The following AUTS2 variants were observed in gnomAD, a reference collection of about 807,000 sequenced individuals.
AUTS2 encodes activator of transcription and developmental regulator AUTS2.
Under a neutral mutation model 112.4 loss-of-function variants are expected in AUTS2, and 17 were observed. The ratio of observed to expected loss-of-function variants is 0.15; its 90% CI spans 0.10 to 0.23. The LOEUF is 0.23. Among genes scored for constraint, AUTS2 ranks in the 10% least tolerant of loss-of-function variants. The pLI, the probability that AUTS2 is intolerant of heterozygous loss-of-function variation, is 1.00. For synonymous variants in AUTS2, 751 were observed against 702.7 expected (o/e 1.07, Z -1.09); for missense variants, 1,510 against 1,701.6 (o/e 0.89, Z 1.98).
At chr7:69,875,147 GCT>G (rs760648022) in intron 1 of AUTS2, among the ~76,000 whole-genome samples, 5 of 150,086 alleles carry the variant, frequency 3.3e-5, no homozygotes, top group Non-Finnish European at 4.4e-5. Flanking sequence ...TGAGCTTTTT[GCT>G]CTCTTTTAAA....
At chr7:69,901,389 A>G (rs556932725) in intron 2 of AUTS2, among the ~76,000 whole-genome samples, 1 of 152,116 alleles carries the variant, frequency 6.6e-6, no homozygotes, top group Admixed American at 6.5e-5. Context: ...ACGTGATCTG[A>G]CTTTTCTATT....
intron 2 of AUTS2, among the ~76,000 whole-genome samples, chr7:69,973,338 G>A (rs1305721250): frequency 6.6e-6 from 1 of 152,130 alleles, no homozygotes; most frequent in Non-Finnish European, 1.5e-5. Flanking sequence ...GTAGTTCTTT[G>A]AAATTTTCTG....
chr7:70,121,638 C>G (rs922483920), intron 3 of AUTS2, among the ~76,000 whole-genome samples: 1 of 151,902 alleles, frequency 6.6e-6, no homozygotes, highest in Non-Finnish European at 1.5e-5. Flanking sequence ...CATTTTATAC[C>G]TAGTAGGATG....
At chr7:70,752,453 G>A (rs764907047) in intron 6 of AUTS2, among the ~76,000 whole-genome samples, 22 of 152,268 alleles carry the variant, frequency 1.4e-4, no homozygotes, top group African/African-American at 2.6e-4. Context: ...CAGTGGGAAC[G>A]TGTTATAGAT....
chr7:70,058,653 A>T (rs539918114), intron 2 of AUTS2, among the ~76,000 whole-genome samples: 1 of 151,372 alleles, frequency 6.6e-6, no homozygotes, highest in African/African-American at 2.4e-5. Context: ...CTAGAATCAC[A>T]GCATCTTTTT....
In AUTS2 at chr7:70,493,920, A is replaced by T. The variant is rs942870575; in HGVS notation, c.690+58139A>T. ...GTTGCAGTTCTAGGCAGTTAAATAA[A>T]ATCCACTGACCAGAAAAAAATATGT... On this transcript the variant is annotated intron_variant, in intron 5 of 18. Coordinates refer to ENST00000342771, the MANE Select transcript of AUTS2 (RefSeq NM_015570.4). 2.0e-5 allele frequency among the ~76,000 whole-genome samples: 3 copies of T among 152,224 alleles called. No homozygotes were observed. The East Asian group carries it at 5.8e-4, about 29-fold the overall frequency.
At chr7:69,713,307 C>A (rs1167150166) in intron 1 of AUTS2, among the ~76,000 whole-genome samples, 1 of 152,064 alleles carries the variant, frequency 6.6e-6, no homozygotes, top group Non-Finnish European at 1.5e-5. Flanking sequence ...TTGAAATATA[C>A]AATCCAATAT....
chr7:70,437,445 TC>T (rs1403122556), intron 5 of AUTS2: 2 of 152,250 alleles, frequency 1.3e-5, no homozygotes, highest in Non-Finnish European at 2.9e-5. Context: ...CCATTCCAGA[TC>T]TATCAGCAAT....
At chr7:70,703,466 G>A (rs1809566629) in intron 6 of AUTS2, among the ~76,000 whole-genome samples, 1 of 141,996 alleles carries the variant, frequency 7.0e-6, no homozygotes, top group South Asian at 2.3e-4. Flanking sequence ...ACTATAGCCT[G>A]GGCGACAGAG....
intron 1 of AUTS2, among the ~76,000 whole-genome samples, chr7:69,790,621 AG>A (rs1049051642): frequency 2.0e-5 from 3 of 152,214 alleles, no homozygotes; most frequent in Non-Finnish European, 4.4e-5. Context: ...CCTGCCTGTT[AG>A]GATTGTTTTG....
intron 2 of AUTS2, among the ~76,000 whole-genome samples, chr7:70,053,437 T>C (rs768659286): frequency 1.3e-5 from 2 of 152,188 alleles, no homozygotes; most frequent in African/African-American, 2.4e-5. Flanking sequence ...AATAATGTGC[T>C]ATAAAATCCA....
chr7:70,736,860 G>A (rs976519440), intron 6 of AUTS2, among the ~76,000 whole-genome samples: 1 of 152,188 alleles, frequency 6.6e-6, no homozygotes, highest in African/African-American at 2.4e-5. Flanking sequence ...GACGGATTGT[G>A]CAATGGAGTC....
chr7:69,957,266 A>G (rs1797252889), intron 2 of AUTS2, among the ~76,000 whole-genome samples: 1 of 151,838 alleles, frequency 6.6e-6, no homozygotes, highest in Non-Finnish European at 1.5e-5. Context: ...GACAGAGTTG[A>G]CTTTTTTGTT....
At chr7:70,363,467 A>AG (rs1353899233) in intron 4 of AUTS2, among the ~76,000 whole-genome samples, 3 of 85,024 alleles carry the variant, frequency 3.5e-5, no homozygotes, top group African/African-American at 9.9e-5. Context: ...AAAAAAAAGA[A>AG]AAAAAAAAAA....
chr7:69,664,940 G>A (rs1795963234), intron 1 of AUTS2, among the ~76,000 whole-genome samples: 1 of 152,148 alleles, frequency 6.6e-6, no homozygotes, highest in Non-Finnish European at 1.5e-5. Flanking sequence ...AGGTACAAAT[G>A]TTAGTTCTGG....
At chr7:70,637,347 C>T (rs2129539474) in intron 5 of AUTS2, among the ~76,000 whole-genome samples, 1 of 152,310 alleles carries the variant, frequency 6.6e-6, no homozygotes, top group South Asian at 2.1e-4. Flanking sequence ...GGGTTGAAAC[C>T]ATAGTACGTT....
chr7:69,780,277 A>G (rs1789090691), intron 1 of AUTS2, among the ~76,000 whole-genome samples: 1 of 152,260 alleles, frequency 6.6e-6, no homozygotes, highest in African/African-American at 2.4e-5. Context: ...CACTCTAAGA[A>G]TAAGCCTGTG....
At chr7:69,919,450 A>G (rs1445828644) in intron 2 of AUTS2, among the ~76,000 whole-genome samples, 1 of 152,236 alleles carries the variant, frequency 6.6e-6, no homozygotes, top group African/African-American at 2.4e-5. Flanking sequence ...TGATCACTTA[A>G]GAGGTATCGC....
intron 6 of AUTS2, among the ~76,000 whole-genome samples, chr7:70,715,585 G>A: frequency 6.6e-6 from 1 of 151,332 alleles, no homozygotes; most frequent in East Asian, 1.9e-4. Flanking sequence ...CCAGCCTGTA[G>A]CAGTGGCATG....
Sources: gnomAD v4.1 joint callset for allele counts (sites outside exome capture counted in the v4.1 genomes callset) on GRCh38, gnomAD v4.1.1 for gene constraint, MANE v1.5 for transcripts, NCBI Gene and HGNC (gene_info 2026-07-23, HGNC 2026-07-21) for gene names.